DYNC1I1: variants seen among roughly 807,000 people sequenced by gnomAD.
DYNC1I1 encodes cytoplasmic dynein 1 intermediate chain 1.
DYNC1I1 carries 43 observed loss-of-function variants against 86.6 expected under a neutral mutation model. That is an observed-to-expected ratio of 0.50 (90% confidence interval 0.39 to 0.64). DYNC1I1 has a LOEUF of 0.64. Ranked by LOEUF, DYNC1I1 falls within the 30% of genes least tolerant of loss-of-function variation. The pLI is 0.00. For missense variants in DYNC1I1, 604 were observed against 788.8 expected (o/e 0.77, Z 2.81); for synonymous variants, 262 against 283.7 (o/e 0.92, Z 0.77).
At chr7:95,916,543 T>G (rs1391384702) in intron 6 of DYNC1I1, among the ~76,000 whole-genome samples, 1 of 152,230 alleles carries the variant, frequency 6.6e-6, no homozygotes, top group Non-Finnish European at 1.5e-5. Flanking sequence ...TCCATTTTCT[T>G]TTTGTGTTTT....
Position 95,897,444 on chromosome 7 carries a change from T to C in DYNC1I1, c.490+27446T>C, listed in dbSNP as rs532225217. Among the ~76,000 whole-genome samples the C allele has an allele frequency of 4.3e-3, 583 of 136,264 alleles. 1 individual carries two copies. Among genetic ancestry groups the C allele is most frequent in the Middle Eastern group, 0.015 (4 of 274 alleles). 89.4% of individuals were successfully genotyped at this position (136,264 alleles called of 152,430 possible). On this transcript the variant is annotated intron_variant, in intron 6 of 16. Coordinates refer to ENST00000447467, the MANE Select transcript of DYNC1I1 (RefSeq NM_001135556.2). ...GTGTTGACTTGTCCTCTATTGACCA[T>C]GATTTTTTTTTTTTGGCATTCTTTC...
At chr7:95,792,358 G>A (rs1584227082) in intron 1 of DYNC1I1, among the ~76,000 whole-genome samples, 1 of 152,194 alleles carries the variant, frequency 6.6e-6, no homozygotes, top group African/African-American at 2.4e-5. Flanking sequence ...GAAATGGCAT[G>A]TGCAGGAAGG....
chr7:95,957,602 A>C (rs1361695097), intron 6 of DYNC1I1, among the ~76,000 whole-genome samples: 1 of 152,178 alleles, frequency 6.6e-6, no homozygotes. Context: ...CCCTATAGAC[A>C]TGCAGGTGCT....
At chr7:95,992,242 T>A (rs898629123) in intron 9 of DYNC1I1, among the ~76,000 whole-genome samples, 2 of 152,172 alleles carry the variant, frequency 1.3e-5, no homozygotes, top group African/African-American at 4.8e-5. Context: ...TAGTTACTTC[T>A]ACGTGTGTCT....
chr7:95,955,580 C>T (rs970734104), intron 6 of DYNC1I1, among the ~76,000 whole-genome samples: 1 of 152,098 alleles, frequency 6.6e-6, no homozygotes, highest in Non-Finnish European at 1.5e-5. Flanking sequence ...CCTGACCCAG[C>T]CTCCTAAGTG....
At chr7:95,828,768 A>C (rs564328801) in intron 5 of DYNC1I1, among the ~76,000 whole-genome samples, 2 of 152,186 alleles carry the variant, frequency 1.3e-5, no homozygotes, top group African/African-American at 4.8e-5. Flanking sequence ...CTTGGAGTGG[A>C]ATAAAACACA....
chr7:95,955,463 A>G (rs1792686134), intron 6 of DYNC1I1, among the ~76,000 whole-genome samples: 2 of 151,996 alleles, frequency 1.3e-5, no homozygotes, highest in South Asian at 4.2e-4. Context: ...GGGACTACAC[A>G]CTTAGCTGAT....
At chr7:95,962,690 G>A (rs556003296) in intron 6 of DYNC1I1, among the ~76,000 whole-genome samples, 33 of 152,230 alleles carry the variant, frequency 2.2e-4, no homozygotes, top group African/African-American at 7.9e-4. Flanking sequence ...TCATTTACAG[G>A]TAATAAAGTA....
At chr7:95,813,472 T>C (rs1794879289) in intron 4 of DYNC1I1, 135 bp downstream of exon 4, 2 of 1,132,948 alleles carry the variant, frequency 1.8e-6, no homozygotes, top group Admixed American at 2.9e-5. Flanking sequence ...TGTTTAAATT[T>C]ATGGTGGCTT....
chr7:95,816,008 T>C (rs1038519108), intron 4 of DYNC1I1, among the ~76,000 whole-genome samples: 2 of 120,524 alleles, frequency 1.7e-5, no homozygotes, highest in African/African-American at 6.7e-5. Context: ...AAAATCCCTC[T>C]TATTGATTTT....
intron 5 of DYNC1I1, among the ~76,000 whole-genome samples, chr7:95,849,016 C>G (rs117159311): frequency 0.05 from 7,594 of 152,160 alleles, 256 homozygotes; most frequent in Non-Finnish European, 0.076. Context: ...CATTGACCAT[C>G]TGTATGTCTT....
In DYNC1I1 at chr7:96,020,400, C is replaced by T. The variant is rs900333582; in HGVS notation, c.970-7775C>T. On this transcript the variant is annotated intron_variant, in intron 10 of 16. Coordinates refer to ENST00000447467, the MANE Select transcript of DYNC1I1 (RefSeq NM_001135556.2). ...AAAATAAAAAATAAAAATAAAAGCT[C>T]GTGCAGGGAAACTCCCCCTTATAAT... 4.6e-5 allele frequency among the ~76,000 whole-genome samples: 7 copies of T among 152,184 alleles called. No homozygotes were observed. In the South Asian group the frequency reaches 1.0e-3, roughly 23 times the overall value.
chr7:96,032,236 A>G lies in DYNC1I1; in HGVS notation c.1117-431A>G, dbSNP rs375691083. Among the ~76,000 whole-genome samples the G allele has an allele frequency of 6.6e-5, 10 of 152,278 alleles. No homozygotes were observed. The South Asian group carries it at 1.0e-3, about 16-fold the overall frequency. Reference sequence around the variant, plus strand: ...TTGTGACTATAATGCATTAAACTCCAGATTTAGTAACATGTATTCCTTCCA... The same window carrying G: ...TTGTGACTATAATGCATTAAACTCCGGATTTAGTAACATGTATTCCTTCCA... On this transcript the variant is annotated intron_variant, in intron 11 of 16. Transcript: ENST00000447467.
At chr7:95,783,473 G>T (rs1468024505) in intron 1 of DYNC1I1, among the ~76,000 whole-genome samples, 1 of 152,088 alleles carries the variant, frequency 6.6e-6, no homozygotes, top group Non-Finnish European at 1.5e-5. Flanking sequence ...AGGGAAAATA[G>T]AATAATTTAT....
At chr7:96,104,957 G>A (rs1273405397) in intron 16 of DYNC1I1, among the ~76,000 whole-genome samples, 1 of 151,898 alleles carries the variant, frequency 6.6e-6, no homozygotes, top group Non-Finnish European at 1.5e-5. Context: ...CTGTATATTT[G>A]GGGCAATGCC....
intron 6 of DYNC1I1, among the ~76,000 whole-genome samples, chr7:95,883,449 A>G (rs771095746): frequency 2.6e-5 from 4 of 152,156 alleles, no homozygotes; most frequent in Non-Finnish European, 5.9e-5. Flanking sequence ...TAGAGTTTCT[A>G]CTAATGTATA....
chr7:95,805,727 A>G (rs1354410577), intron 2 of DYNC1I1, among the ~76,000 whole-genome samples: 2 of 152,166 alleles, frequency 1.3e-5, no homozygotes, highest in African/African-American at 4.8e-5. Context: ...GATACCAAAG[A>G]TATTTTTGAA....
chr7:95,852,330 A>G (rs1437651373), intron 5 of DYNC1I1, among the ~76,000 whole-genome samples: 1 of 151,696 alleles, frequency 6.6e-6, no homozygotes, highest in Admixed American at 6.6e-5. Flanking sequence ...GATTCTTTGT[A>G]TTTATGTTTT....
At chr7:95,932,622 G>T (rs562164099) in intron 6 of DYNC1I1, among the ~76,000 whole-genome samples, 1 of 152,278 alleles carries the variant, frequency 6.6e-6, no homozygotes, top group South Asian at 2.1e-4. Context: ...AATATGTCAA[G>T]CTTCTAGGAA....
Sources: allele counts gnomAD v4.1 joint callset (sites outside exome capture counted in the v4.1 genomes callset), GRCh38; gene constraint gnomAD v4.1.1; transcripts MANE v1.5; gene names NCBI Gene and HGNC (gene_info 2026-07-23, HGNC 2026-07-21).